Variants in SLC36A1 observed in about 807,000 individuals in gnomAD.
The protein encoded by SLC36A1 is solute carrier family 36 member 1.
In SLC36A1, 30 loss-of-function variants were observed where a neutral mutation model predicts 47.5. The ratio of observed to expected loss-of-function variants is 0.63; its 90% confidence interval spans 0.47 to 0.86. SLC36A1 has a LOEUF of 0.86. Among genes scored for constraint, SLC36A1 ranks in the 40% least tolerant of loss-of-function variants. The pLI is 0.00. For missense variants in SLC36A1, 517 were observed against 606.0 expected (o/e 0.85, Z 1.54); for synonymous variants, 255 against 249.7 (o/e 1.02, Z -0.20).
chr5:151,545,508 T>G, the SLC36A1 span: 1 of 1,614,142 alleles, frequency 6.2e-7, no homozygotes, highest in Non-Finnish European at 8.5e-7. Context: ...ATATCTGTTC[T>G]GAGAATCTGG....
the SLC36A1 span, among the ~76,000 whole-genome samples, chr5:151,498,240 C>T: frequency 5.9e-5 from 9 of 152,108 alleles, no homozygotes; most frequent in Admixed American, 3.3e-4. Flanking sequence ...CCACTGCGCA[C>T]GGCCAGGGGG....
At chr5:151,405,621 A>C in the SLC36A1 span, among the ~76,000 whole-genome samples, 1 of 149,768 alleles carries the variant, frequency 6.7e-6, no homozygotes, top group Non-Finnish European at 1.5e-5. Context: ...TTTAGAGATA[A>C]GAAAACCTTT....
downstream of SLC36A1, among the ~76,000 whole-genome samples, chr5:151,496,912 TTC>T (rs1760360593): frequency 6.6e-6 from 1 of 152,236 alleles, no homozygotes; most frequent in African/African-American, 2.4e-5. Flanking sequence ...TTATTCCAGT[TTC>T]TGTGTGTCCA....
the SLC36A1 span, chr5:151,534,478 C>G: frequency 6.2e-7 from 1 of 1,613,958 alleles, no homozygotes; most frequent in Admixed American, 1.7e-5. Context: ...AAGACAGCCA[C>G]AGCACAGTGG....
At chr5:151,421,174 C>CCTTCCTTCCTTCCTTCCTTCCTTCCT in the SLC36A1 span, among the ~76,000 whole-genome samples, 829 of 138,866 alleles carry the variant, frequency 6.0e-3, 29 homozygotes, top group East Asian at 0.026. Context: ...CGCCCTTTCT[C>CCTTCCTTCCTTCCTTCCTTCCTTCCT]TCCTTCCTTC....
chr5:151,512,261 C>T, the SLC36A1 span: 1 of 1,614,180 alleles, frequency 6.2e-7, no homozygotes, highest in Non-Finnish European at 8.5e-7. This position sits in a 1 kb window ranked among gnomAD's most constrained non-coding sequence, Gnocchi z 4.1. Context: ...GCTTGTGTCT[C>T]CAGCAAGCCT....
chr5:151,376,840 T>G, the SLC36A1 span, among the ~76,000 whole-genome samples: 1 of 152,074 alleles, frequency 6.6e-6, no homozygotes, highest in Non-Finnish European at 1.5e-5. Flanking sequence ...ATCATATTGG[T>G]CAGGCTGGTC....
At chr5:151,374,821 A>G in the SLC36A1 span, among the ~76,000 whole-genome samples, 1 of 151,740 alleles carries the variant, frequency 6.6e-6, no homozygotes, top group Non-Finnish European at 1.5e-5. Context: ...CATTTCTCTG[A>G]TGATTAGTGA....
At chr5:151,460,488 G>T (rs192091296) in intron 2 of SLC36A1, among the ~76,000 whole-genome samples, 2 of 152,198 alleles carry the variant, frequency 1.3e-5, no homozygotes, top group East Asian at 1.9e-4. Context: ...CATTTTCCAG[G>T]GTATACTTTG....
intron 7 of SLC36A1, among the ~76,000 whole-genome samples, chr5:151,470,243 A>G (rs1163857571): frequency 6.6e-6 from 1 of 152,188 alleles, no homozygotes. Context: ...ACTGTACACT[A>G]AAGATGAATT....
At chr5:151,462,019 C>A (rs1454622150) in intron 2 of SLC36A1, among the ~76,000 whole-genome samples, 1 of 151,574 alleles carries the variant, frequency 6.6e-6, no homozygotes, top group East Asian at 1.9e-4. Flanking sequence ...TCATTCAGAC[C>A]TGAGTACTTG....
At chr5:151,544,619 G>T in the SLC36A1 span, 1 of 1,614,036 alleles carries the variant, frequency 6.2e-7, no homozygotes, top group South Asian at 1.1e-5. Flanking sequence ...CTCTGAAACA[G>T]TGGGTTGGAT....
At chr5:151,497,973 C>T in the SLC36A1 span, among the ~76,000 whole-genome samples, 1 of 147,292 alleles carries the variant, frequency 6.8e-6, no homozygotes, top group African/African-American at 2.5e-5. Flanking sequence ...GAGACGAAGT[C>T]TTGCTCTAAT....
chr5:151,351,925 C>G, the SLC36A1 span, among the ~76,000 whole-genome samples: 1 of 152,202 alleles, frequency 6.6e-6, no homozygotes, highest in Admixed American at 6.5e-5. Context: ...TATCAGTATT[C>G]CTCACCACAA....
chr5:151,498,079 G>C, the SLC36A1 span, among the ~76,000 whole-genome samples: 1 of 151,938 alleles, frequency 6.6e-6, no homozygotes, highest in Non-Finnish European at 1.5e-5. Context: ...TAAGTAGCTG[G>C]GATTACAGGC....
At chr5:151,416,957 G>A in the SLC36A1 span, among the ~76,000 whole-genome samples, 1 of 152,166 alleles carries the variant, frequency 6.6e-6, no homozygotes, top group Non-Finnish European at 1.5e-5. Context: ...CCTTCGCTTA[G>A]CACTTCTCCT....
downstream of SLC36A1, among the ~76,000 whole-genome samples, chr5:151,493,695 C>A (rs1379300354): frequency 1.3e-5 from 2 of 152,160 alleles, no homozygotes; most frequent in Admixed American, 6.5e-5. Context: ...TACGCCAAGC[C>A]ACCAACTAGT....
chr5:151,486,319 C>A (rs760227443), intron 10 of SLC36A1, among the ~76,000 whole-genome samples: 5 of 152,098 alleles, frequency 3.3e-5, no homozygotes, highest in Admixed American at 6.5e-5. Context: ...TCCCACCAGG[C>A]CCCACCTCTG....
the SLC36A1 span, among the ~76,000 whole-genome samples, chr5:151,394,530 G>T: frequency 6.6e-6 from 1 of 152,176 alleles, no homozygotes; most frequent in Admixed American, 6.5e-5. Flanking sequence ...CATCTTTGTG[G>T]TTTTATCTAC....
Sources: gnomAD v4.1 joint callset for allele counts (sites outside exome capture counted in the v4.1 genomes callset) on GRCh38, gnomAD v4.1.1 for gene constraint, Gnocchi (gnomAD v3.1) non-coding constraint, MANE v1.5 for transcripts, NCBI Gene and HGNC (gene_info 2026-07-23, HGNC 2026-07-21) for gene names.